The following GSTT4 variants were observed in gnomAD, a reference collection of about 807,000 sequenced individuals.
GSTT4 encodes glutathione S-transferase theta-4.
chr22:23,991,783 G>A, the GSTT4 span, among the ~76,000 whole-genome samples: 1 of 138,292 alleles, frequency 7.2e-6, no homozygotes, highest in Non-Finnish European at 1.6e-5. Context: ...GGCTGGGCGC[G>A]GTGGCTCACG....
At chr22:23,993,260 G>A in the GSTT4 span, among the ~76,000 whole-genome samples, 3 of 152,126 alleles carry the variant, frequency 2.0e-5, no homozygotes, top group African/African-American at 7.3e-5. Context: ...ACGAGGTCCT[G>A]CTGCGTTGCC....
At chr22:23,991,825 G>T in the GSTT4 span, among the ~76,000 whole-genome samples, 65 of 135,238 alleles carry the variant, frequency 4.8e-4, no homozygotes, top group African/African-American at 1.6e-3. Flanking sequence ...GAGACCGAGG[G>T]GGGTGGATCA....
rs139355423 is a variant in GSTT4 at position 24,003,233 on chromosome 22, A to G, written c.200+527T>C. On this transcript the variant is annotated intron_variant, in intron 2 of 4. Coordinates refer to ENST00000621179, the MANE Select transcript of GSTT4 (RefSeq NM_001358664.2). ...TTACTTATTTATTTTTATTTTTGAG[A>G]TGGGATCTCACTCTGTTGCCCACGC... Among the ~76,000 whole-genome samples, 498 of 151,984 alleles carry G rather than the reference A, an allele frequency of 3.3e-3. 1 individual carries two copies. The highest frequency in any genetic ancestry group is 0.011 in the African/African-American group (469 of 41,462).
the GSTT4 span, among the ~76,000 whole-genome samples, chr22:23,990,951 A>G: frequency 8.1e-5 from 7 of 86,050 alleles, no homozygotes; most frequent in African/African-American, 1.4e-4. Flanking sequence ...CAAGAGGATC[A>G]CTTGAGCCCA....
At chr22:23,997,195 T>C (rs2034124447), downstream of GSTT4, among the ~76,000 whole-genome samples, 2 of 152,042 alleles carry the variant, frequency 1.3e-5, no homozygotes, top group South Asian at 2.1e-4. Flanking sequence ...TTCTTTCTGG[T>C]TTCCATTTCA....
At chr22:24,002,982 T>A (rs1412264289) in intron 2 of GSTT4, among the ~76,000 whole-genome samples, 2 of 152,240 alleles carry the variant, frequency 1.3e-5, no homozygotes, top group Non-Finnish European at 2.9e-5. Flanking sequence ...CTTAATGGTA[T>A]CGTAGTGATG....
chr22:24,002,803 C>T (rs2034261503), intron 2 of GSTT4, among the ~76,000 whole-genome samples: 1 of 148,990 alleles, frequency 6.7e-6, no homozygotes, highest in Non-Finnish European at 1.5e-5. Flanking sequence ...TGCACTCCAG[C>T]CTGGGCAACA....
chr22:23,990,344 G>A, the GSTT4 span, among the ~76,000 whole-genome samples: 1 of 130,346 alleles, frequency 7.7e-6, no homozygotes, highest in African/African-American at 2.6e-5. Context: ...ACATGGTGGT[G>A]CATGTCTGTG....
At chr22:23,989,767 T>C in the GSTT4 span, among the ~76,000 whole-genome samples, 2 of 150,148 alleles carry the variant, frequency 1.3e-5, no homozygotes, top group African/African-American at 2.4e-5. Context: ...CTGACTCACT[T>C]TAGCATTCTA....
At chr22:24,001,532 G>A (rs2034230610) in intron 2 of GSTT4, among the ~76,000 whole-genome samples, 1 of 152,274 alleles carries the variant, frequency 6.6e-6, no homozygotes, top group South Asian at 2.1e-4. Context: ...GGAGTTGGGG[G>A]CTGGTGGTAT....
chr22:23,994,726 C>T (rs574251716), downstream of GSTT4, among the ~76,000 whole-genome samples: 1 of 133,752 alleles, frequency 7.5e-6, no homozygotes, highest in African/African-American at 2.7e-5. Context: ...TAAAGGCAGA[C>T]ATTTTTGCCT....
At chr22:23,992,052 CAAAAAAA>C in the GSTT4 span, among the ~76,000 whole-genome samples, 2 of 71,186 alleles carry the variant, frequency 2.8e-5, no homozygotes, top group Non-Finnish European at 5.5e-5. Flanking sequence ...TACTCCGTCT[CAAAAAAA>C]AAAAAAAAAA....
the GSTT4 span, among the ~76,000 whole-genome samples, chr22:23,989,579 G>C: frequency 6.8e-6 from 1 of 147,336 alleles, no homozygotes; most frequent in Non-Finnish European, 1.5e-5. Flanking sequence ...TACTGGCCAG[G>C]CTGGGTGACC....
intron 1 of GSTT4, 116 bp from the exon 2 acceptor site, chr22:24,003,963 G>C (rs753229829): frequency 1.3e-5 from 2 of 153,322 alleles, no homozygotes; most frequent in African/African-American, 4.8e-5. Flanking sequence ...ACTGAGGCCC[G>C]GAGGGACATT....
downstream of GSTT4, among the ~76,000 whole-genome samples, chr22:23,995,501 T>C (rs1249177420): frequency 6.6e-6 from 1 of 152,182 alleles, no homozygotes; most frequent in African/African-American, 2.4e-5. Flanking sequence ...AGAAGAGTGA[T>C]ATTCCAACTT....
intron 2 of GSTT4, among the ~76,000 whole-genome samples, chr22:24,002,813 A>G (rs1036943683): frequency 1.8e-4 from 6 of 33,100 alleles, no homozygotes; most frequent in African/African-American, 4.4e-4. Context: ...CCTGGGCAAC[A>G]GAGCGAGACT....
At chr22:23,999,395 A>G (rs1212127303) in intron 4 of GSTT4, among the ~76,000 whole-genome samples, 3 of 144,368 alleles carry the variant, frequency 2.1e-5, no homozygotes, top group African/African-American at 7.9e-5. Context: ...TGGGATAAGG[A>G]AAAGAATACT....
At chr22:23,991,120 G>A in the GSTT4 span, among the ~76,000 whole-genome samples, 2 of 75,462 alleles carry the variant, frequency 2.7e-5, no homozygotes, top group Non-Finnish European at 6.1e-5. Context: ...CAAGGCTGCA[G>A]TGAGCCATGA....
At chr22:23,995,847 T>G (rs1257580040), downstream of GSTT4, among the ~76,000 whole-genome samples, 1 of 152,208 alleles carries the variant, frequency 6.6e-6, no homozygotes, top group Non-Finnish European at 1.5e-5. Flanking sequence ...GATGGTATTA[T>G]AAATGGAAGT....
Sources: allele counts gnomAD v4.1 joint callset (sites outside exome capture counted in the v4.1 genomes callset), GRCh38; gene constraint gnomAD v4.1.1; transcripts MANE v1.5; gene names NCBI Gene and HGNC (gene_info 2026-07-23, HGNC 2026-07-21).